Variants in PITPNM3 observed in about 807,000 individuals in gnomAD.
PITPNM3 encodes membrane-associated phosphatidylinositol transfer protein 3.
PITPNM3 carries 26 observed loss-of-function variants against 102.0 expected under a neutral mutation model. The observed-to-expected ratio is 0.25, with a 90% confidence interval of 0.19 to 0.35. PITPNM3 has a LOEUF of 0.35. PITPNM3 is among the 10% of genes least tolerant of loss of function. The probability of loss-of-function intolerance (pLI) is 1.00; values close to 1 mark genes in which losing one functional copy is unlikely to be tolerated. For synonymous variants in PITPNM3, 578 were observed against 558.6 expected, an observed-to-expected ratio of 1.03 and a Z score of -0.49; for missense variants, 1,083 against 1,346.1, an observed-to-expected ratio of 0.80 and a Z score of 3.06.
At chr17:6,498,652 A>C (rs1906987201) in intron 4 of PITPNM3, among the ~76,000 whole-genome samples, 1 of 151,988 alleles carries the variant, frequency 6.6e-6, no homozygotes, top group African/African-American at 2.4e-5. Context: ...GACAGGGAGG[A>C]GTGGGTGGGT....
chr17:6,502,733 C>A (rs1907259715), intron 4 of PITPNM3, among the ~76,000 whole-genome samples: 1 of 152,196 alleles, frequency 6.6e-6, no homozygotes, highest in South Asian at 2.1e-4. Flanking sequence ...CACATGGAGT[C>A]CTCTCCTGAC....
intron 1 of PITPNM3, among the ~76,000 whole-genome samples, chr17:6,549,694 G>T (rs1465143802): frequency 1.3e-5 from 2 of 152,204 alleles, no homozygotes; most frequent in Non-Finnish European, 2.9e-5. Flanking sequence ...TAGAAAACAG[G>T]AATTTTAAAA....
intron 1 of PITPNM3, among the ~76,000 whole-genome samples, chr17:6,552,708 T>C (rs1597424320): frequency 1.3e-5 from 2 of 151,978 alleles, no homozygotes; most frequent in East Asian, 3.9e-4. Context: ...CTCCTAGCCT[T>C]TGTTCAAGCC....
chr17:6,474,550 C>A lies in PITPNM3; in HGVS notation c.1140G>T (p.Pro380=), dbSNP rs370831692. 32 of 1,604,026 alleles carry A rather than the reference C, an allele frequency of 2.0e-5. No homozygotes were observed. The highest frequency in any genetic ancestry group is 6.8e-5 in the East Asian group (3 of 44,256). The change falls in exon 10 of 20, where the codon CCG becomes CCT. Residue 380 remains proline (P), a synonymous_variant. Transcript: ENST00000262483. Reference sequence around the variant, plus strand: ...GGCCCAGGCTGACCTCAGGGAGCTGCGGCCCCCCAGCCGCCGGGGTCTCAG... The same window carrying A: ...GGCCCAGGCTGACCTCAGGGAGCTGAGGCCCCCCAGCCGCCGGGGTCTCAG... ...DESETPAAGG[P]QLPEVSLGRF...
At chr17:6,528,394 G>A (rs1908953600) in intron 2 of PITPNM3, among the ~76,000 whole-genome samples, 1 of 151,976 alleles carries the variant, frequency 6.6e-6, no homozygotes, top group Non-Finnish European at 1.5e-5. Context: ...CCAGCCCCCT[G>A]CTCCCTAAGG....
intron 2 of PITPNM3, among the ~76,000 whole-genome samples, chr17:6,527,275 T>C (rs80216815): frequency 0.049 from 7,530 of 152,320 alleles, 275 homozygotes; most frequent in South Asian, 0.15. Flanking sequence ...ATTCTCATGT[T>C]AGATTGATTT....
intron 15 of PITPNM3, 55 bp from the exon 16 acceptor site, chr17:6,464,373 G>T (rs1904654741): frequency 1.3e-6 from 2 of 1,589,940 alleles, no homozygotes; most frequent in South Asian, 2.2e-5. Context: ...CTACAGGCTT[G>T]GCAGAGGGGC....
intron 6 of PITPNM3, among the ~76,000 whole-genome samples, chr17:6,482,046 C>CTCTCTCTCTCTCTCTCTGTCTG (rs1905764224): frequency 5.4e-5 from 5 of 92,142 alleles, no homozygotes; most frequent in Non-Finnish European, 7.9e-5. Flanking sequence ...GTCTGTCTCT[C>CTCTCTCTCTCTCTCTCTGTCTG]TCTCTCTCTC....
Position 6,459,428 on chromosome 17 carries a change from A to T in PITPNM3, c.2491-1706T>A, listed in dbSNP as rs539455352. Among the ~76,000 whole-genome samples the T allele has an allele frequency of 6.6e-6, 1 of 151,856 alleles. No homozygotes were observed. Among genetic ancestry groups the T allele is most frequent in the Admixed American group, 6.6e-5 (1 of 15,256 alleles). ...CTCCTTGTGCTGCTCTCAGTGGCCC[A>T]GCACAGCCTCTTCTAACGCCTCATC... On this transcript the variant is annotated intron_variant, in intron 18 of 19. Transcript: ENST00000262483. This position sits in a 1 kb window ranked among gnomAD's most constrained non-coding sequence, Gnocchi z 5.0.
At chr17:6,501,213 G>A (rs1489201028) in intron 4 of PITPNM3, among the ~76,000 whole-genome samples, 1 of 152,178 alleles carries the variant, frequency 6.6e-6, no homozygotes, top group Non-Finnish European at 1.5e-5. Context: ...CTCAGAAGGG[G>A]AGATGATTGG....
rs1479475155 is a variant in PITPNM3, at chr17:6,520,205, T to C, written c.226+5151A>G. On this transcript the variant is annotated intron_variant, in intron 3 of 19. Transcript: ENST00000262483. Reference sequence around the variant, plus strand: ...CATAAAATGTTGAAGTTTGATAATATCAAATCTGGTAACACATTGTGGGGA... The same window carrying C: ...CATAAAATGTTGAAGTTTGATAATACCAAATCTGGTAACACATTGTGGGGA... 3.3e-5 allele frequency among the ~76,000 whole-genome samples: 5 copies of C among 152,240 alleles called. No homozygotes were observed. In the East Asian group the frequency reaches 7.7e-4, roughly 23 times the overall value.
At position 6,470,387 on chromosome 17, in the gene PITPNM3, C is replaced by T. The variant is rs1905008828; in HGVS notation, c.1646G>A (p.Ser549Asn). ...ASRITAKWWG[S>N]KRIDYALYCP... ...GTACAGGGCATAGTCGATCCTCTTG[C>T]TTCCCCACCACTTGGCTGTGACTGT... is the stretch of plus-strand genomic sequence containing the variant. Residue 549 changes from serine to asparagine, a missense_variant, in exon 13 of 20, where the codon AGC becomes AAC. Around this residue, in one of 5 missense-constraint regions of PITPNM3, gnomAD observed 410 missense variants for 638.4 expected, o/e 0.64. Coordinates refer to ENST00000262483, the MANE Select transcript of PITPNM3 (RefSeq NM_031220.4). The surrounding 1 kb of genome is among the most constrained non-coding windows in gnomAD (Gnocchi z 4.8). 6.2e-7 allele frequency: 1 copy of T among 1,614,170 alleles called. No homozygotes were observed. The highest frequency in any genetic ancestry group is 1.3e-5 in the African/African-American group (1 of 75,066).
chr17:6,477,987 G>A lies in PITPNM3; in HGVS notation c.888C>T (p.Ile296=), dbSNP rs778461010. 1.1e-5 allele frequency: 17 copies of A among 1,613,044 alleles called. No homozygotes were observed. In the Admixed American group the frequency reaches 1.2e-4, roughly 11 times the overall value. The change falls in exon 8 of 20, where the codon ATC becomes ATT. Residue 296 remains isoleucine (I), a synonymous_variant. Coordinates refer to ENST00000262483, the MANE Select transcript of PITPNM3 (RefSeq NM_031220.4). ...SPASSSRKGS[I]SSTQDTPVAV... is the part of the protein sequence containing the mutation. ...CCCCCGGCTGTACCTGGGTGCTGCT[G>A]ATGCTCCCCTTCCGGCTGCTGCTGG...
chr17:6,541,102 T>C (rs1029094291), intron 1 of PITPNM3, among the ~76,000 whole-genome samples: 1 of 152,174 alleles, frequency 6.6e-6, no homozygotes, highest in South Asian at 2.1e-4. Flanking sequence ...AGATGGAACA[T>C]GGGAACTCTT....
intron 1 of PITPNM3, among the ~76,000 whole-genome samples, chr17:6,552,001 C>CG (rs1306737830): frequency 6.6e-6 from 1 of 152,152 alleles, no homozygotes; most frequent in Non-Finnish European, 1.5e-5. Flanking sequence ...CTACCTCTCA[C>CG]GGGCCCTCAG....
intron 1 of PITPNM3, among the ~76,000 whole-genome samples, chr17:6,548,978 C>CTCCT (rs766461845): frequency 4.5e-4 from 69 of 152,080 alleles, no homozygotes; most frequent in Admixed American, 2.4e-3. Flanking sequence ...AGAGGAACAC[C>CTCCT]TCCTCTCTGG....
chr17:6,516,436 C>T (rs1908181030), intron 3 of PITPNM3, among the ~76,000 whole-genome samples: 2 of 151,282 alleles, frequency 1.3e-5, no homozygotes, highest in East Asian at 2.0e-4. Context: ...TGGTGGCGGG[C>T]ACCTGTAGTC....
intron 1 of PITPNM3, among the ~76,000 whole-genome samples, chr17:6,542,309 G>C (rs370928844): frequency 3.9e-5 from 6 of 152,194 alleles, no homozygotes; most frequent in Non-Finnish European, 7.3e-5. Context: ...AGTGTTACAC[G>C]AGCATCTGTC....
At chr17:6,475,367 T>A (rs1567666813) in intron 9 of PITPNM3, among the ~76,000 whole-genome samples, 1 of 152,212 alleles carries the variant, frequency 6.6e-6, no homozygotes, top group Non-Finnish European at 1.5e-5. Context: ...GAAGGAAACC[T>A]GGGCACCTCC....
Sources: gnomAD v4.1 joint callset for allele counts (sites outside exome capture counted in the v4.1 genomes callset) on GRCh38, gnomAD v4.1.1 for gene constraint, gnomAD v4.1.1 regional missense constraint, Gnocchi (gnomAD v3.1) non-coding constraint, MANE v1.5 for transcripts, NCBI Gene and HGNC (gene_info 2026-07-23, HGNC 2026-07-21) for gene names.